Variants in SRGAP1 observed in about 807,000 individuals in gnomAD.
SRGAP1 encodes SLIT-ROBO Rho GTPase activating protein 1.
In SRGAP1, 43 loss-of-function variants were observed where a neutral mutation model predicts 121.9. The ratio of observed to expected loss-of-function variants is 0.35; its 90% CI spans 0.28 to 0.46. The LOEUF is 0.46. Ranked by LOEUF, SRGAP1 falls within the 20% of genes least tolerant of loss-of-function variation. SRGAP1 has a pLI of 1.00. For synonymous variants in SRGAP1, 447 were observed against 485.4 expected, an observed-to-expected ratio of 0.92 and a Z score of 1.04; for missense variants, 1,102 against 1,350.9, an observed-to-expected ratio of 0.82 and a Z score of 2.89.
At chr12:63,992,360 A>G (rs1404316404) in intron 3 of SRGAP1, among the ~76,000 whole-genome samples, 1 of 152,198 alleles carries the variant, frequency 6.6e-6, no homozygotes, top group Non-Finnish European at 1.5e-5. Context: ...GAGATTCAAG[A>G]GCAGGCTCTC....
intron 3 of SRGAP1, among the ~76,000 whole-genome samples, chr12:64,001,179 T>G (rs1023188368): frequency 6.6e-6 from 1 of 152,260 alleles, no homozygotes. Flanking sequence ...ATATATAATA[T>G]TAAATGTCAG....
intron 15 of SRGAP1, among the ~76,000 whole-genome samples, chr12:64,103,804 G>A (rs2036296639): frequency 6.6e-6 from 1 of 152,154 alleles, no homozygotes. Flanking sequence ...TTTCTATAGT[G>A]CTGTTATTTA....
At chr12:64,011,436 A>G (rs979661913) in intron 3 of SRGAP1, among the ~76,000 whole-genome samples, 1 of 152,170 alleles carries the variant, frequency 6.6e-6, no homozygotes, top group African/African-American at 2.4e-5. Context: ...CTTTTAAAAA[A>G]TAATCTTCTA....
At chr12:64,035,849 C>T (rs369347243) in intron 4 of SRGAP1, among the ~76,000 whole-genome samples, 60 of 152,246 alleles carry the variant, frequency 3.9e-4, no homozygotes, top group Middle Eastern at 3.4e-3. Flanking sequence ...CTGCTTAGAG[C>T]CTGGATATGA....
intron 1 of SRGAP1, among the ~76,000 whole-genome samples, chr12:63,966,624 G>C (rs2032797744): frequency 6.6e-6 from 1 of 152,016 alleles, no homozygotes; most frequent in Non-Finnish European, 1.5e-5. Flanking sequence ...TGGTAACTTG[G>C]GGGGTGAGGG....
chr12:64,060,368 G>A (rs1398190530), intron 6 of SRGAP1, among the ~76,000 whole-genome samples: 2 of 151,386 alleles, frequency 1.3e-5, no homozygotes, highest in Admixed American at 6.6e-5. Context: ...CCCTATACTC[G>A]GCTAATTTTT....
chr12:64,000,271 TGTGTAA>T (rs1360894196), intron 3 of SRGAP1, among the ~76,000 whole-genome samples: 5 of 148,512 alleles, frequency 3.4e-5, no homozygotes, highest in African/African-American at 5.0e-5. Flanking sequence ...TGTGTGTGTG[TGTGTAA>T]AAAAAAAAAA....
At chr12:63,947,104 G>T (rs955685770) in intron 1 of SRGAP1, among the ~76,000 whole-genome samples, 1 of 152,070 alleles carries the variant, frequency 6.6e-6, no homozygotes, top group African/African-American at 2.4e-5. Flanking sequence ...ATGCACATTT[G>T]TGTACAAGTC....
At chr12:63,990,316 G>A (rs1003400756) in intron 3 of SRGAP1, among the ~76,000 whole-genome samples, 7 of 152,042 alleles carry the variant, frequency 4.6e-5, no homozygotes, top group African/African-American at 1.2e-4. Context: ...GGTGGATCAC[G>A]AGGCCAAGAG....
chr12:63,859,708 T>G (rs1053365126), intron 1 of SRGAP1, among the ~76,000 whole-genome samples: 3 of 152,178 alleles, frequency 2.0e-5, no homozygotes, highest in Admixed American at 1.3e-4. Flanking sequence ...TCTTTTAAAA[T>G]GTAACACTTC....
chr12:63,927,302 A>G (rs1033413713), intron 1 of SRGAP1, among the ~76,000 whole-genome samples: 1 of 152,186 alleles, frequency 6.6e-6, no homozygotes, highest in Middle Eastern at 3.2e-3. Flanking sequence ...AGTGCAGACT[A>G]TGACTGTACC....
chr12:64,063,819 T>C (rs956181756), intron 7 of SRGAP1, among the ~76,000 whole-genome samples: 4 of 152,134 alleles, frequency 2.6e-5, no homozygotes, highest in Non-Finnish European at 5.9e-5. Context: ...TCTTAACTTA[T>C]TATGGTGACA....
intron 18 of SRGAP1, among the ~76,000 whole-genome samples, chr12:64,118,435 A>T (rs1043639797): frequency 3.3e-5 from 5 of 151,666 alleles, no homozygotes; most frequent in Non-Finnish European, 5.9e-5. Context: ...ACACCCAGCT[A>T]ATTTTTTGTA....
chr12:64,059,370 T>C (rs899209511), intron 6 of SRGAP1, among the ~76,000 whole-genome samples: 19 of 152,202 alleles, frequency 1.2e-4, no homozygotes, highest in South Asian at 4.1e-4. Flanking sequence ...CTCTTTTTTT[T>C]CTGCCTTTTC....
At chr12:64,036,051 C>T (rs1245528742) in intron 4 of SRGAP1, among the ~76,000 whole-genome samples, 1 of 152,184 alleles carries the variant, frequency 6.6e-6, no homozygotes, top group Non-Finnish European at 1.5e-5. Flanking sequence ...TCCAGGTCTT[C>T]CTGGTTCCAG....
rs1187018668 is a variant in SRGAP1, at chr12:63,913,454, CATATATATATATATATATATATGG to C, written c.67+68585_67+68608del. Among the ~76,000 whole-genome samples, 4 of 124,102 alleles carry C rather than the reference CATATATATATATATATATATATGG, an allele frequency of 3.2e-5. No homozygotes were observed. In the East Asian group the frequency reaches 1.0e-3, roughly 32 times the overall value. 81.4% of individuals were successfully genotyped at this position (124,102 alleles called of 152,430 possible). A position where few individuals can be genotyped will look rare whatever the true frequency, so the allele number is the denominator to read the frequency against. ...TTATAGGCATGTGTCACTGTGTCCA[CATATATATATATATATATATATGG>C]ATATATATATATAAATACACATATA... is the stretch of plus-strand genomic sequence containing the variant. On this transcript the variant is annotated intron_variant, in intron 1 of 21. Transcript: ENST00000355086.
intron 1 of SRGAP1, among the ~76,000 whole-genome samples, chr12:63,943,524 A>G (rs2031937691): frequency 6.6e-6 from 1 of 152,236 alleles, no homozygotes; most frequent in South Asian, 2.1e-4. Flanking sequence ...TAATTTTTCC[A>G]AGGTTACATA....
chr12:63,950,886 TCCACC>T (rs1038899623), intron 1 of SRGAP1, among the ~76,000 whole-genome samples: 1 of 147,046 alleles, frequency 6.8e-6, no homozygotes, highest in Non-Finnish European at 1.5e-5. Context: ...AGTCCCCCAC[TCCACC>T]CCACCCCACC....
Position 64,153,066 on chromosome 12 carries a change from G to C in SRGAP1, c.*10394G>C, listed in dbSNP as rs1468030809. On this transcript the variant is annotated 3_prime_UTR_variant, in exon 22 of 22. Transcript: ENST00000355086. ...TAGGAGAAGCATTTTAGATGGGACAGCTTGAATGCCACCTTGGATGTGGTA... is the reference window on the plus strand; with the variant it reads ...TAGGAGAAGCATTTTAGATGGGACACCTTGAATGCCACCTTGGATGTGGTA... The C allele has an allele frequency of 1.3e-5, 2 of 151,926 alleles. No homozygotes were observed. Among genetic ancestry groups the C allele is most frequent in the Admixed American group, 1.3e-4 (2 of 15,218 alleles). 9.4% of individuals were successfully genotyped at this position (151,926 alleles called of 1,614,324 possible).
Sources: allele counts gnomAD v4.1 joint callset (sites outside exome capture counted in the v4.1 genomes callset), GRCh38; gene constraint gnomAD v4.1.1; transcripts MANE v1.5; gene names NCBI Gene and HGNC (gene_info 2026-07-23, HGNC 2026-07-21).